The following TENM2 variants were observed in gnomAD, a reference collection of about 807,000 sequenced individuals.
The protein encoded by TENM2 is teneurin-2.
A neutral mutation model predicts 245.2 loss-of-function variants in TENM2; 52 were observed. The ratio of observed to expected loss-of-function variants is 0.21; its 90% CI spans 0.17 to 0.27. TENM2 has a LOEUF of 0.27. Ranked by LOEUF, TENM2 falls within the 10% of genes least tolerant of loss-of-function variation. The probability of loss-of-function intolerance (pLI) is 1.00; values close to 1 mark genes in which losing one functional copy is unlikely to be tolerated. For missense variants in TENM2, 3,046 were observed against 3,666.8 expected, an observed-to-expected ratio of 0.83 and a Z score of 4.37; for synonymous variants, 1,363 against 1,438.9, an observed-to-expected ratio of 0.95 and a Z score of 1.19.
At chr5:168,118,802 C>T (rs1795271105) in intron 10 of TENM2, among the ~76,000 whole-genome samples, 1 of 152,000 alleles carries the variant, frequency 6.6e-6, no homozygotes, top group East Asian at 1.9e-4. Context: ...TTTCCTTCTA[C>T]TCCTCCTCCC....
At chr5:167,894,962 GA>G (rs1247075472) in intron 3 of TENM2, among the ~76,000 whole-genome samples, 29 of 123,020 alleles carry the variant, frequency 2.4e-4, no homozygotes, top group African/African-American at 7.7e-4. Context: ...AGGAAGGAAG[GA>G]AGGAAGGAAG....
At chr5:167,746,095 C>T (rs191468088) in intron 2 of TENM2, among the ~76,000 whole-genome samples, 73 of 152,214 alleles carry the variant, frequency 4.8e-4, no homozygotes, top group Non-Finnish European at 3.7e-4. Context: ...ACCAAGAAAC[C>T]AAAGCTTATA....
chr5:168,259,606 A>C (rs903301324), intron 27 of TENM2, among the ~76,000 whole-genome samples: 2 of 152,118 alleles, frequency 1.3e-5, no homozygotes, highest in Non-Finnish European at 2.9e-5. Context: ...AGAGAGTAGG[A>C]AGGCTGGAGA....
chr5:167,443,948 C>A (rs959774057), intron 2 of TENM2, among the ~76,000 whole-genome samples: 5 of 151,744 alleles, frequency 3.3e-5, no homozygotes, highest in Admixed American at 3.3e-4. Flanking sequence ...TTTTTTTATC[C>A]CAGTAAGTTA....
At chr5:168,014,206 G>A (rs1031692013) in intron 5 of TENM2, among the ~76,000 whole-genome samples, 5 of 152,240 alleles carry the variant, frequency 3.3e-5, no homozygotes, top group African/African-American at 9.6e-5. Flanking sequence ...TAGTAATGGC[G>A]ATAGTTAATA....
intron 3 of TENM2, among the ~76,000 whole-genome samples, chr5:167,902,041 G>T (rs2151521445): frequency 6.6e-6 from 1 of 152,242 alleles, no homozygotes; most frequent in Non-Finnish European, 1.5e-5. Context: ...ATTTTATGCA[G>T]GCTCATTTTG....
intron 2 of TENM2, among the ~76,000 whole-genome samples, chr5:167,670,274 A>C (rs1755846418): frequency 6.6e-6 from 1 of 152,138 alleles, no homozygotes; most frequent in Non-Finnish European, 1.5e-5. Context: ...TCCTCTTTGA[A>C]ATTTTAAGGA....
chr5:167,057,854 G>A, the TENM2 span, among the ~76,000 whole-genome samples: 1 of 152,156 alleles, frequency 6.6e-6, no homozygotes, highest in Admixed American at 6.5e-5. Context: ...ATTTGGCAGA[G>A]CTCCTGGAGT....
At chr5:168,101,645 T>C (rs1031372357) in intron 9 of TENM2, among the ~76,000 whole-genome samples, 4 of 152,198 alleles carry the variant, frequency 2.6e-5, no homozygotes, top group Non-Finnish European at 5.9e-5. Flanking sequence ...AGAGTAGTTA[T>C]TCCTCCATAC....
At chr5:167,361,733 A>G (rs149517735) in intron 1 of TENM2, among the ~76,000 whole-genome samples, 273 of 152,336 alleles carry the variant, frequency 1.8e-3, no homozygotes, top group Middle Eastern at 0.01. Context: ...TCATAACTCG[A>G]TGCCTCTGGA....
At chr5:167,851,801 G>A (rs189206767) in intron 2 of TENM2, among the ~76,000 whole-genome samples, 13 of 152,290 alleles carry the variant, frequency 8.5e-5, no homozygotes, top group Admixed American at 2.6e-4. Context: ...GTGTTCCTTC[G>A]TCTTCCCTTC....
intron 2 of TENM2, among the ~76,000 whole-genome samples, chr5:167,409,195 T>G (rs1762783417): frequency 6.6e-6 from 1 of 151,862 alleles, no homozygotes; most frequent in Non-Finnish European, 1.5e-5. Flanking sequence ...AATAAGAAAC[T>G]AAACCAATTA....
intron 1 of TENM2, among the ~76,000 whole-genome samples, chr5:167,333,979 A>G (rs568784766): frequency 4.1e-4 from 63 of 152,336 alleles, no homozygotes; most frequent in African/African-American, 1.4e-3. Context: ...GTTGATATAC[A>G]TATGTATTTT....
intron 13 of TENM2, among the ~76,000 whole-genome samples, chr5:168,184,438 T>C (rs1300385441): frequency 6.6e-6 from 1 of 152,212 alleles, no homozygotes; most frequent in Non-Finnish European, 1.5e-5. Context: ...ATGTAGGTGT[T>C]CTTCTGGAGC....
chr5:167,893,862 T>C (rs1774959090), intron 3 of TENM2, among the ~76,000 whole-genome samples: 1 of 152,176 alleles, frequency 6.6e-6, no homozygotes, highest in Admixed American at 6.5e-5. Flanking sequence ...CTGCGCTTCA[T>C]ACAAATTTAA....
At position 167,774,214 on chromosome 5, in the gene TENM2, G is replaced by GAGAGAGGAAGGA. The variant is rs1554115197; in HGVS notation, c.503-101770_503-101769insAGAGGAAGGAAG. ...GGAGGGAAGGAGGAAGGGAGGGAGG[G>GAGAGAGGAAGGA]AGGAAGGAAGGAAGGAAGGAAGGAA... On this transcript the variant is annotated intron_variant, in intron 2 of 28. Transcript: ENST00000518659. Among the ~76,000 whole-genome samples, 4 of 111,326 alleles carry GAGAGAGGAAGGA rather than the reference G, an allele frequency of 3.6e-5. 1 individual carries two copies. The highest frequency in any genetic ancestry group is 1.7e-4 in the African/African-American group (4 of 23,464). The allele number at this position is 111,326 out of a possible 152,430, so 73.0% of individuals were successfully genotyped here.
intron 2 of TENM2, among the ~76,000 whole-genome samples, chr5:167,571,376 C>T (rs1774254436): frequency 6.6e-6 from 1 of 152,214 alleles, no homozygotes; most frequent in South Asian, 2.1e-4. Context: ...GAGCACTTAA[C>T]TACTGTATCA....
the TENM2 span, among the ~76,000 whole-genome samples, chr5:167,178,172 A>G: frequency 1.3e-5 from 2 of 152,180 alleles, no homozygotes; most frequent in Admixed American, 1.3e-4. Flanking sequence ...GCATCCCTAC[A>G]ATCACAAAAG....
chr5:167,736,806 CT>C (rs1433805546), intron 2 of TENM2, among the ~76,000 whole-genome samples: 1 of 152,158 alleles, frequency 6.6e-6, no homozygotes, highest in East Asian at 1.9e-4. Context: ...AGTCTTGTTC[CT>C]ATCTGAAGAC....
Sources: allele counts gnomAD v4.1 joint callset (sites outside exome capture counted in the v4.1 genomes callset), GRCh38; gene constraint gnomAD v4.1.1; transcripts MANE v1.5; gene names NCBI Gene and HGNC (gene_info 2026-07-23, HGNC 2026-07-21).